The following ZNF775 variants were observed in gnomAD, a reference collection of about 807,000 sequenced individuals.
The protein encoded by ZNF775 is zinc finger protein 775.
A neutral mutation model predicts 2.4 loss-of-function variants in ZNF775; 1 was observed. The ratio of observed to expected loss-of-function variants is 0.41; its 90% CI spans 0.15 to 1.94. ZNF775 has a LOEUF of 1.94. Among genes scored for constraint, ZNF775 ranks in the 30% most tolerant of loss-of-function variants. ZNF775 has a pLI of 0.30. For missense variants in ZNF775, 823 were observed against 826.6 expected (o/e 1.00, Z 0.05); for synonymous variants, 381 against 373.3 (o/e 1.02, Z -0.24).
At chr7:150,387,312 AAG>A (rs1491155739) in intron 1 of ZNF775, among the ~76,000 whole-genome samples, 3 of 150,876 alleles carry the variant, frequency 2.0e-5, no homozygotes, top group East Asian at 2.0e-4. Context: ...AAAAAAAAAA[AAG>A]AAGCACAAGG....
intron 2 of ZNF775, among the ~76,000 whole-genome samples, chr7:150,389,961 TTA>T (rs1050617221): frequency 6.6e-6 from 1 of 151,602 alleles, no homozygotes; most frequent in African/African-American, 2.4e-5. Flanking sequence ...GTAACCATTT[TTA>T]AGTGTACGGT....
rs1281484634 is a variant in ZNF775, at chr7:150,388,384, C to T, written c.-49-38C>T. ...GACCCTGAGTTTTGTCCTTGTCCCACAGGCCCATTCTCTTTCTTCTGCTTC... is the reference window on the plus strand; with the variant it reads ...GACCCTGAGTTTTGTCCTTGTCCCATAGGCCCATTCTCTTTCTTCTGCTTC... On this transcript the variant is annotated intron_variant, in intron 1 of 2. Transcript: ENST00000329630. 2.0e-6 allele frequency: 3 copies of T among 1,499,300 alleles called. No individual in the cohort carries two copies. In the African/African-American group the frequency reaches 4.2e-5, roughly 21 times the overall value. The allele number at this position is 1,499,300 out of a possible 1,614,324, so 92.9% of individuals were successfully genotyped here. A position where few individuals can be genotyped will look rare whatever the true frequency, so the allele number is the denominator to read the frequency against.
rs772259705 is a variant in ZNF775 at position 150,397,621 on chromosome 7, G to A, written c.1140G>A (p.Ala380=). 2 of 1,370,922 alleles carry A rather than the reference G, an allele frequency of 1.5e-6. No individual in the cohort carries two copies. Among genetic ancestry groups the A allele is most frequent in the South Asian group, 1.5e-5 (1 of 66,068 alleles). 84.9% of individuals were successfully genotyped at this position (1,370,922 alleles called of 1,614,324 possible). A position where few individuals can be genotyped will look rare whatever the true frequency, so the allele number is the denominator to read the frequency against. The change falls in exon 3 of 3, where the codon GCG becomes GCA. Residue 380 remains alanine, a synonymous_variant. Coordinates refer to ENST00000329630, the MANE Select transcript of ZNF775 (RefSeq NM_173680.4). ...GTAAGAGCTGCCGCAGCCGCGCCGC[G>A]CTGCGCGCCCACCAGCGCGCCCACG... ...SCGKSCRSRA[A]LRAHQRAHAV...
chr7:150,395,265 C>A (rs28587950), intron 2 of ZNF775, among the ~76,000 whole-genome samples: 1 of 152,076 alleles, frequency 6.6e-6, no homozygotes, highest in African/African-American at 2.4e-5. Flanking sequence ...ATCCTTTTTG[C>A]GGCTACATGT....
At position 150,397,550 on chromosome 7, in the gene ZNF775, C is replaced by T. The variant is rs765805539; in HGVS notation, c.1069C>T (p.Arg357Cys). 1.9e-6 allele frequency: 3 copies of T among 1,541,752 alleles called. No individual in the cohort carries two copies. Among genetic ancestry groups the T allele is most frequent in the South Asian group, 2.3e-5 (2 of 85,388 alleles). ...RQKQHLLKHL[R>C]THLPGAQAAP... ...GAAGCAGCACCTGCTCAAGCACCTG[C>T]GCACGCACCTGCCCGGCGCCCAGGC... The change falls in exon 3 of 3, where the codon CGC becomes TGC. Residue 357 changes from arginine to cysteine, a missense_variant. Physicochemically the swap from Arg to Cys is radical, Grantham distance 180. Transcript: ENST00000329630.
chr7:150,398,258 A>G lies in ZNF775; in HGVS notation c.*163A>G, dbSNP rs942815555. The G allele has an allele frequency of 1.3e-5, 15 of 1,192,872 alleles. No individual in the cohort carries two copies. Among genetic ancestry groups the G allele is most frequent in the Non-Finnish European group, 1.5e-5 (13 of 886,970 alleles). The allele number at this position is 1,192,872 out of a possible 1,614,324, so 73.9% of individuals were successfully genotyped here. ...TGAGAACAGTTCTAGAAGCGTCCCA[A>G]AGGGTGCTGGGAAAGGTCCCAGCGT... On this transcript the variant is annotated 3_prime_UTR_variant, in exon 3 of 3. Coordinates refer to ENST00000329630, the MANE Select transcript of ZNF775 (RefSeq NM_173680.4).
chr7:150,397,944 A>T lies in ZNF775; in HGVS notation c.1463A>T (p.Asn488Ile). The T allele has an allele frequency of 6.2e-7, 1 of 1,600,830 alleles. No homozygotes were observed. Among genetic ancestry groups the T allele is most frequent in the Non-Finnish European group, 8.5e-7 (1 of 1,178,550 alleles). Residue 488 changes from asparagine (N) to isoleucine (I), a missense_variant, in exon 3 of 3, where the codon AAC becomes ATC. Asn to Ile is a moderately radical substitution (Grantham distance 149, BLOSUM62 -3). Transcript: ENST00000329630. ...ECGRRFSQKP[N>I]LTRHRRNHTG... ...GGCCGCCGCTTCAGCCAGAAGCCCAACCTGACGCGGCACCGGCGCAACCAC... is the reference window on the plus strand; with the variant it reads ...GGCCGCCGCTTCAGCCAGAAGCCCATCCTGACGCGGCACCGGCGCAACCAC...
chr7:150,381,170 G>A (rs968315957), intron 1 of ZNF775, among the ~76,000 whole-genome samples: 14 of 152,060 alleles, frequency 9.2e-5, no homozygotes, highest in African/African-American at 3.4e-4. Flanking sequence ...GGTGGGTGAG[G>A]AGGAGGGGGC....
rs1194382848 is a variant in ZNF775, at chr7:150,397,484, CGCCCGCACCCCT to C, written c.1012_1023del (p.Pro338_His341del). 3 of 1,587,492 alleles carry C rather than the reference CGCCCGCACCCCT, an allele frequency of 1.9e-6. No individual in the cohort carries two copies. Among genetic ancestry groups the C allele is most frequent in the East Asian group, 2.3e-5 (1 of 44,190 alleles). ...GCACCTGCGCAACCACACAGGCGAG[CGCCCGCACCCCT>C]GCCCGCACTGTGGCCGCGGCTTCCG... On this transcript the variant is annotated inframe_deletion, in exon 3 of 3. Transcript: ENST00000329630.
intron 2 of ZNF775, among the ~76,000 whole-genome samples, chr7:150,389,632 G>A (rs1379925382): frequency 6.6e-6 from 1 of 152,200 alleles, no homozygotes; most frequent in East Asian, 1.9e-4. Context: ...GGTTGCTCTG[G>A]TTGATGTGAG....
rs1251019185 is a variant in ZNF775, at chr7:150,397,399, G to A, written c.918G>A (p.Glu306=). Residue 306 remains glutamate (E), a synonymous_variant, in exon 3 of 3, where the codon GAG becomes GAA. Transcript: ENST00000329630. Reference sequence around the variant, plus strand: ...TCCACCAGCGCATCCACACTGGCGAGCGCCCCTATGCGTGCCCCGAGTGCG... The same window carrying A: ...TCCACCAGCGCATCCACACTGGCGAACGCCCCTATGCGTGCCCCGAGTGCG... ...LNIHQRIHTG[E]RPYACPECGR... is the part of the protein sequence containing the mutation. 3 of 1,596,412 alleles carry A rather than the reference G, an allele frequency of 1.9e-6. No homozygotes were observed. Among genetic ancestry groups the A allele is most frequent in the Admixed American group, 1.7e-5 (1 of 59,452 alleles).
rs1438393781 is a variant in ZNF775 at position 150,382,822 on chromosome 7, G to C, written c.-50+3430G>C. 6.6e-6 allele frequency: 1 copy of C among 152,396 alleles called. No homozygotes were observed. The highest frequency in any genetic ancestry group is 2.4e-5 in the African/African-American group (1 of 41,462). The allele number at this position is 152,396 out of a possible 1,614,324, so 9.4% of individuals were successfully genotyped here. A position where few individuals can be genotyped will look rare whatever the true frequency, so the allele number is the denominator to read the frequency against. On this transcript the variant is annotated intron_variant, in intron 1 of 2. Transcript: ENST00000329630. The surrounding 1 kb of genome is among the most constrained non-coding windows in gnomAD (Gnocchi z 4.6). The stretch of plus-strand genomic sequence containing the variant: ...TGGCCCCGGCCTCCTGGCTCGATGA[G>C]GGTATGTTGCTTCTGTTTCTACCTC...
intron 2 of ZNF775, among the ~76,000 whole-genome samples, chr7:150,393,564 A>G (rs1293467138): frequency 2.0e-5 from 3 of 148,410 alleles, no homozygotes; most frequent in Non-Finnish European, 4.4e-5. Flanking sequence ...GAGTGGTGGC[A>G]GCACTTTGCA....
intron 2 of ZNF775, among the ~76,000 whole-genome samples, chr7:150,389,972 G>T (rs1040670592): frequency 6.7e-6 from 1 of 149,992 alleles, no homozygotes; most frequent in Non-Finnish European, 1.5e-5. Context: ...TAAGTGTACG[G>T]TTCAGTGGCA....
At chr7:150,391,157 T>C (rs1259879384) in intron 2 of ZNF775, among the ~76,000 whole-genome samples, 1 of 152,270 alleles carries the variant, frequency 6.6e-6, no homozygotes, top group Non-Finnish European at 1.5e-5. Context: ...GGACTTGCAC[T>C]GTCCAGCACG....
intron 1 of ZNF775, among the ~76,000 whole-genome samples, chr7:150,381,342 C>T (rs1187428225): frequency 6.6e-6 from 1 of 152,048 alleles, no homozygotes; most frequent in Non-Finnish European, 1.5e-5. Context: ...AGGCAAGTGA[C>T]CTGCTTGCAT....
At chr7:150,381,229 T>C (rs1800355372) in intron 1 of ZNF775, among the ~76,000 whole-genome samples, 1 of 151,842 alleles carries the variant, frequency 6.6e-6, no homozygotes, top group Non-Finnish European at 1.5e-5. Flanking sequence ...CCAGCAAGCG[T>C]GTTTACCTCT....
intron 1 of ZNF775, among the ~76,000 whole-genome samples, chr7:150,387,451 A>G (rs1355001913): frequency 6.6e-6 from 1 of 152,060 alleles, no homozygotes; most frequent in Non-Finnish European, 1.5e-5. Context: ...CAGCAGTGTG[A>G]CCTGTCCTGT....
At chr7:150,381,004 G>A (rs1800350628) in intron 1 of ZNF775, among the ~76,000 whole-genome samples, 1 of 152,238 alleles carries the variant, frequency 6.6e-6, no homozygotes, top group Non-Finnish European at 1.5e-5. Context: ...AGCAAGGGAT[G>A]CAAACGTGTT....
Sources: allele counts gnomAD v4.1 joint callset (sites outside exome capture counted in the v4.1 genomes callset), GRCh38; gene constraint gnomAD v4.1.1; non-coding constraint Gnocchi (gnomAD v3.1); transcripts MANE v1.5; gene names NCBI Gene and HGNC (gene_info 2026-07-23, HGNC 2026-07-21).